SPAG16: variants seen among roughly 807,000 people sequenced by gnomAD.
SPAG16 encodes sperm-associated antigen 16 protein.
SPAG16 carries 86 observed loss-of-function variants against 80.4 expected under a neutral mutation model. That is an observed-to-expected ratio of 1.07 (90% CI 0.90 to 1.28). The LOEUF (loss-of-function observed/expected upper bound fraction) is 1.28. Among genes scored for constraint, SPAG16 ranks in the 50% most tolerant of loss-of-function variants. The probability of loss-of-function intolerance (pLI) is 0.00; values close to 1 mark genes in which losing one functional copy is unlikely to be tolerated. For synonymous variants in SPAG16, 294 were observed against 265.9 expected, an observed-to-expected ratio of 1.11 and a Z score of -1.03; for missense variants, 870 against 765.3, an observed-to-expected ratio of 1.14 and a Z score of -1.61.
At chr2:214,231,513 T>G (rs1449111906) in intron 15 of SPAG16, among the ~76,000 whole-genome samples, 1 of 152,060 alleles carries the variant, frequency 6.6e-6, no homozygotes, top group Non-Finnish European at 1.5e-5. Context: ...TACTCATGCA[T>G]ATAAGAAATC....
intron 11 of SPAG16, among the ~76,000 whole-genome samples, chr2:213,919,298 C>T (rs2078105491): frequency 6.6e-6 from 1 of 151,890 alleles, no homozygotes; most frequent in South Asian, 2.1e-4. Context: ...CTTAGTTCAT[C>T]TCTGATTTTG....
At chr2:213,803,588 T>C (rs904396019) in intron 10 of SPAG16, among the ~76,000 whole-genome samples, 1 of 152,020 alleles carries the variant, frequency 6.6e-6, no homozygotes, top group Non-Finnish European at 1.5e-5. Context: ...CAAAGCAAAA[T>C]ATATGAATAG....
chr2:213,518,676 A>G (rs943806702), intron 10 of SPAG16, among the ~76,000 whole-genome samples: 1 of 152,228 alleles, frequency 6.6e-6, no homozygotes, highest in African/African-American at 2.4e-5. Context: ...AACAGTTTGG[A>G]GATTTCTGAA....
intron 9 of SPAG16, among the ~76,000 whole-genome samples, chr2:213,375,540 A>G (rs977584255): frequency 6.6e-6 from 1 of 152,094 alleles, no homozygotes; most frequent in Non-Finnish European, 1.5e-5. Context: ...CAATCTCTTT[A>G]TATCTTGAGT....
chr2:213,309,950 CATT>C (rs878976945), intron 3 of SPAG16, 106 bp from the exon 4 acceptor site: 4 of 664,386 alleles, frequency 6.0e-6, no homozygotes, highest in South Asian at 2.1e-5. Flanking sequence ...AGTCAACAAA[CATT>C]GTTGAAAAAA....
At chr2:214,054,391 G>A (rs914454879) in intron 13 of SPAG16, among the ~76,000 whole-genome samples, 2 of 152,116 alleles carry the variant, frequency 1.3e-5, no homozygotes, top group African/African-American at 4.8e-5. Flanking sequence ...CTCAGAGAGC[G>A]TTCATAATTC....
chr2:213,322,333 GCAAAAAA>G (rs2063653015), intron 5 of SPAG16, among the ~76,000 whole-genome samples: 1 of 17,416 alleles, frequency 5.7e-5, no homozygotes, highest in African/African-American at 2.1e-4. Flanking sequence ...TGTAGACAAT[GCAAAAAA>G]AAAAAAAAAA....
chr2:214,186,617 A>T (rs940765239), intron 15 of SPAG16, among the ~76,000 whole-genome samples: 1 of 152,098 alleles, frequency 6.6e-6, no homozygotes. Flanking sequence ...TGGAGCATAC[A>T]TGTCACTCCA....
At position 214,025,604 on chromosome 2, in the gene SPAG16, C is replaced by T. The variant is rs771535346; in HGVS notation, c.1527+11527C>T. Among the ~76,000 whole-genome samples the T allele has an allele frequency of 1.3e-4, 20 of 151,598 alleles. No homozygotes were observed. The Middle Eastern group carries it at 0.027, about 206-fold the overall frequency. On this transcript the variant is annotated intron_variant, in intron 13 of 15. Transcript: ENST00000331683. ...ATGCAACATTTGTGGCAAGTGTTTCCGGCATTCTGCTGTGGTTGCTATTGT... is the reference window on the plus strand; with the variant it reads ...ATGCAACATTTGTGGCAAGTGTTTCTGGCATTCTGCTGTGGTTGCTATTGT...
chr2:213,555,550 C>T (rs1042717973), intron 10 of SPAG16, among the ~76,000 whole-genome samples: 21 of 152,272 alleles, frequency 1.4e-4, no homozygotes, highest in African/African-American at 4.3e-4. Flanking sequence ...AAACCTCTTC[C>T]CTTTATAAAT....
intron 9 of SPAG16, among the ~76,000 whole-genome samples, chr2:213,387,317 A>AT (rs970865293): frequency 5.9e-4 from 88 of 150,214 alleles, no homozygotes; most frequent in African/African-American, 2.0e-3. Context: ...TATTAAAAGT[A>AT]TTTTAAGAAA....
intron 10 of SPAG16, among the ~76,000 whole-genome samples, chr2:213,829,715 G>T (rs2073517102): frequency 6.6e-6 from 1 of 152,106 alleles, no homozygotes; most frequent in Admixed American, 6.5e-5. Flanking sequence ...TCATCAGTAG[G>T]TAATGAATCC....
intron 10 of SPAG16, among the ~76,000 whole-genome samples, chr2:213,724,595 T>C (rs2066670242): frequency 6.6e-6 from 1 of 151,056 alleles, no homozygotes. Context: ...CTGGCCAACA[T>C]GGTGAAACCC....
chr2:214,163,637 T>TAGAGAG (rs34908676), intron 15 of SPAG16, among the ~76,000 whole-genome samples: 1 of 149,030 alleles, frequency 6.7e-6, no homozygotes, highest in Non-Finnish European at 1.5e-5. Flanking sequence ...CATATATATA[T>TAGAGAG]AGAGAGAGAG....
At chr2:213,738,794 G>C (rs1324378238) in intron 10 of SPAG16, among the ~76,000 whole-genome samples, 1 of 152,078 alleles carries the variant, frequency 6.6e-6, no homozygotes, top group African/African-American at 2.4e-5. Flanking sequence ...GCACTTTTTA[G>C]GGGCTCCATT....
chr2:213,899,500 G>A (rs1228518600), intron 11 of SPAG16, among the ~76,000 whole-genome samples: 6 of 152,038 alleles, frequency 3.9e-5, no homozygotes, highest in Admixed American at 6.6e-5. Flanking sequence ...TGAGAGATCC[G>A]TGATTAGATT....
chr2:213,638,901 A>G (rs1308955033), intron 10 of SPAG16, among the ~76,000 whole-genome samples: 5 of 152,112 alleles, frequency 3.3e-5, no homozygotes, highest in Non-Finnish European at 7.4e-5. Flanking sequence ...AGTAGTAACT[A>G]TTTTATAAAT....
At chr2:213,777,535 C>A (rs2069676677) in intron 10 of SPAG16, among the ~76,000 whole-genome samples, 1 of 151,962 alleles carries the variant, frequency 6.6e-6, no homozygotes, top group Non-Finnish European at 1.5e-5. Flanking sequence ...GCCTCCCCAG[C>A]AGCTGGATTA....
chr2:213,403,115 C>T (rs1428118194), intron 9 of SPAG16, among the ~76,000 whole-genome samples: 1 of 152,004 alleles, frequency 6.6e-6, no homozygotes, highest in Non-Finnish European at 1.5e-5. Flanking sequence ...TTAATGATCG[C>T]CATTCTAACT....
Sources: allele counts gnomAD v4.1 joint callset (sites outside exome capture counted in the v4.1 genomes callset), GRCh38; gene constraint gnomAD v4.1.1; transcripts MANE v1.5; gene names NCBI Gene and HGNC (gene_info 2026-07-23, HGNC 2026-07-21).